KLHL8: variants seen among roughly 807,000 people sequenced by gnomAD.
KLHL8 encodes the protein kelch-like protein 8.
A neutral mutation model predicts 63.5 loss-of-function variants in KLHL8; 38 were observed. The ratio of observed to expected loss-of-function variants is 0.60; its 90% confidence interval spans 0.46 to 0.78. The LOEUF is 0.78. KLHL8 is among the 30% of genes least tolerant of loss of function. The probability of loss-of-function intolerance (pLI) is 0.00; values close to 1 mark genes in which losing one functional copy is unlikely to be tolerated. For synonymous variants in KLHL8, 224 were observed against 254.3 expected, an observed-to-expected ratio of 0.88 and a Z score of 1.13; for missense variants, 566 against 752.4, an observed-to-expected ratio of 0.75 and a Z score of 2.90.
intron 8 of KLHL8, among the ~76,000 whole-genome samples, chr4:87,168,081 T>C (rs567037470): frequency 3.9e-5 from 6 of 152,292 alleles, no homozygotes; most frequent in Non-Finnish European, 7.4e-5. Context: ...GGGGAAGATA[T>C]ATACCCTTTA....
chr4:87,225,720 G>A (rs1488476224), intron 1 of KLHL8, among the ~76,000 whole-genome samples: 1 of 152,184 alleles, frequency 6.6e-6, no homozygotes, highest in Non-Finnish European at 1.5e-5. Context: ...TAGTTTGGGG[G>A]TGGGTCTGTG....
At chr4:87,200,138 C>CAAAAAAAAAAAAAAA (rs61605160) in intron 1 of KLHL8, among the ~76,000 whole-genome samples, 11 of 73,708 alleles carry the variant, frequency 1.5e-4, no homozygotes, top group South Asian at 1.1e-3. Context: ...GAGACTGCCT[C>CAAAAAAAAAAAAAAA]AAAAAAAAAA....
At chr4:87,216,745 T>A (rs1424001421) in intron 1 of KLHL8, among the ~76,000 whole-genome samples, 1 of 151,272 alleles carries the variant, frequency 6.6e-6, no homozygotes, top group Non-Finnish European at 1.5e-5. Flanking sequence ...CCAACCCATT[T>A]AAAAAAAAAG....
At chr4:87,218,922 G>A (rs1298490633) in intron 1 of KLHL8, among the ~76,000 whole-genome samples, 1 of 151,992 alleles carries the variant, frequency 6.6e-6, no homozygotes, top group Non-Finnish European at 1.5e-5. Context: ...TTTTAGTAGA[G>A]ATGGGGTTTC....
At chr4:87,207,932 C>T (rs1361673159) in intron 1 of KLHL8, 12 of 1,078,838 alleles carry the variant, frequency 1.1e-5, no homozygotes, top group Non-Finnish European at 1.7e-5. Flanking sequence ...CAGGCTGTCT[C>T]CTCCAACTTC....
intron 1 of KLHL8, among the ~76,000 whole-genome samples, chr4:87,238,528 G>A (rs955321262): frequency 1.3e-5 from 2 of 152,056 alleles, no homozygotes; most frequent in Admixed American, 6.6e-5. Context: ...ACACAAAAAA[G>A]TTCTATATCT....
intron 2 of KLHL8, among the ~76,000 whole-genome samples, chr4:87,186,895 TA>T (rs1298265383): frequency 1.3e-5 from 2 of 152,134 alleles, no homozygotes; most frequent in Non-Finnish European, 2.9e-5. Flanking sequence ...TATTTAGTAG[TA>T]TTTACTATGA....
At chr4:87,208,861 T>C (rs900080945) in intron 1 of KLHL8, among the ~76,000 whole-genome samples, 1 of 152,250 alleles carries the variant, frequency 6.6e-6, no homozygotes, top group Non-Finnish European at 1.5e-5. Flanking sequence ...GTACTATTTC[T>C]ATGAAAAGGG....
intron 8 of KLHL8, among the ~76,000 whole-genome samples, chr4:87,169,159 G>A (rs996447485): frequency 3.3e-5 from 5 of 152,012 alleles, no homozygotes; most frequent in African/African-American, 1.2e-4. Flanking sequence ...ACAAAAATTA[G>A]CTGGGCACGG....
intron 1 of KLHL8, among the ~76,000 whole-genome samples, chr4:87,210,752 C>T (rs1262306466): frequency 6.6e-6 from 1 of 152,168 alleles, no homozygotes; most frequent in African/African-American, 2.4e-5. Context: ...TCTCTGCCTC[C>T]TTTCAGGCTT....
intron 1 of KLHL8, among the ~76,000 whole-genome samples, chr4:87,211,899 C>G (rs1732421352): frequency 6.6e-6 from 1 of 152,106 alleles, no homozygotes; most frequent in African/African-American, 2.4e-5. Context: ...TGCAACAGCT[C>G]GATGTCAGAG....
intron 8 of KLHL8, among the ~76,000 whole-genome samples, chr4:87,168,079 TA>T (rs1423374017): frequency 6.6e-6 from 1 of 152,176 alleles, no homozygotes; most frequent in Non-Finnish European, 1.5e-5. Context: ...AGGGGGAAGA[TA>T]TATACCCTTT....
At chr4:87,236,282 C>A (rs1226351863) in intron 1 of KLHL8, among the ~76,000 whole-genome samples, 1 of 150,718 alleles carries the variant, frequency 6.6e-6, no homozygotes, top group Admixed American at 6.6e-5. Context: ...GATCTCGGCT[C>A]ACCGCAACCT....
intron 4 of KLHL8, among the ~76,000 whole-genome samples, chr4:87,181,284 G>GAA (rs112042259): frequency 7.0e-6 from 1 of 143,030 alleles, no homozygotes; most frequent in Admixed American, 6.9e-5. Flanking sequence ...AAAAAAAAAA[G>GAA]AAAAAAAAAA....
intron 8 of KLHL8, among the ~76,000 whole-genome samples, chr4:87,166,467 A>C (rs779813070): frequency 3.3e-5 from 5 of 152,218 alleles, no homozygotes; most frequent in Non-Finnish European, 5.9e-5. Context: ...ATAGCTAATC[A>C]TGTACTGGGG....
chr4:87,224,308 A>T (rs1732935047), upstream of KLHL8, among the ~76,000 whole-genome samples: 1 of 152,152 alleles, frequency 6.6e-6, no homozygotes, highest in African/African-American at 2.4e-5. Flanking sequence ...ATAACCATCA[A>T]AAGAATTTCA....
intron 1 of KLHL8, among the ~76,000 whole-genome samples, chr4:87,202,402 G>A (rs1245981943): frequency 6.6e-6 from 1 of 152,076 alleles, no homozygotes; most frequent in Middle Eastern, 3.2e-3. Flanking sequence ...TTACAGGTGT[G>A]AGCCACCACA....
At chr4:87,168,697 C>G (rs527934361) in intron 8 of KLHL8, among the ~76,000 whole-genome samples, 3 of 132,952 alleles carry the variant, frequency 2.3e-5, no homozygotes, top group African/African-American at 8.6e-5. Context: ...TATATATATA[C>G]GTATATATAT....
chr4:87,171,907 T>C (rs1730647955), intron 6 of KLHL8, among the ~76,000 whole-genome samples: 1 of 152,182 alleles, frequency 6.6e-6, no homozygotes, highest in Non-Finnish European at 1.5e-5. Flanking sequence ...TTCAGACATA[T>C]ACCCAATTTC....
Sources: gnomAD v4.1 joint callset for allele counts (sites outside exome capture counted in the v4.1 genomes callset) on GRCh38, gnomAD v4.1.1 for gene constraint, MANE v1.5 for transcripts, NCBI Gene and HGNC (gene_info 2026-07-23, HGNC 2026-07-21) for gene names.